The following GBE1 variants were observed in gnomAD, a reference collection of about 807,000 sequenced individuals.
GBE1 encodes 1,4-alpha-glucan-branching enzyme.
A neutral mutation model predicts 88.8 loss-of-function variants in GBE1; 70 were observed. The observed-to-expected ratio is 0.79, with a 90% CI of 0.65 to 0.96. The LOEUF (loss-of-function observed/expected upper bound fraction) is 0.96. Ranked by LOEUF, GBE1 falls within the 40% of genes least tolerant of loss-of-function variation. The pLI is 0.00. For synonymous variants in GBE1, 284 were observed against 300.1 expected (o/e 0.95, Z 0.56); for missense variants, 872 against 871.0 (o/e 1.00, Z -0.01).
Position 81,604,845 on chromosome 3 carries a change from C to A in GBE1, c.993-10822G>T, listed in dbSNP as rs139498905. 6.8e-4 allele frequency among the ~76,000 whole-genome samples: 103 copies of A among 152,180 alleles called. No individual in the cohort carries two copies. The East Asian group carries it at 0.017, about 25-fold the overall frequency. On this transcript the variant is annotated intron_variant, in intron 7 of 15. Coordinates refer to ENST00000429644, the MANE Select transcript of GBE1 (RefSeq NM_000158.4). Reference sequence around the variant, plus strand: ...TCCTCTTCTTTTCTTCCTTTCCCCCCACAGCTTACAATTTCTCTTTAGAGA... The same window carrying A: ...TCCTCTTCTTTTCTTCCTTTCCCCCAACAGCTTACAATTTCTCTTTAGAGA...
chr3:81,756,522 C>G (rs1706604032), intron 1 of GBE1, among the ~76,000 whole-genome samples: 1 of 152,100 alleles, frequency 6.6e-6, no homozygotes, highest in Admixed American at 6.5e-5. Flanking sequence ...AGACATAGTA[C>G]CCACTTATGA....
chr3:81,662,702 AT>A (rs1315792567), intron 3 of GBE1, among the ~76,000 whole-genome samples: 1 of 151,984 alleles, frequency 6.6e-6, no homozygotes, highest in Non-Finnish European at 1.5e-5. Flanking sequence ...AAAGTTACCA[AT>A]GTTACTTTAA....
chr3:81,700,917 T>C (rs371671201), intron 2 of GBE1, among the ~76,000 whole-genome samples: 1 of 152,174 alleles, frequency 6.6e-6, no homozygotes, highest in African/African-American at 2.4e-5. Context: ...CTTTCCGTTA[T>C]AGCAAATAAG....
Position 81,556,459 on chromosome 3 carries a change from T to C in GBE1, c.1619-19364A>G, listed in dbSNP as rs191851068. On this transcript the variant is annotated intron_variant, in intron 12 of 15. Coordinates refer to ENST00000429644, the MANE Select transcript of GBE1 (RefSeq NM_000158.4). ...AAAGGAAACTTTATTTCTTGAAACTTTACAAAGAATCATTAAATGTGTCAG... is the reference window on the plus strand; with the variant it reads ...AAAGGAAACTTTATTTCTTGAAACTCTACAAAGAATCATTAAATGTGTCAG... Among the ~76,000 whole-genome samples, 453 of 152,126 alleles carry C rather than the reference T, an allele frequency of 3.0e-3. 1 individual carries two copies. The highest frequency in any genetic ancestry group is 5.6e-3 in the South Asian group (27 of 4,818).
intron 13 of GBE1, 77 bp from the exon 14 acceptor site, chr3:81,535,402 T>A: frequency 7.1e-7 from 1 of 1,412,614 alleles, no homozygotes; most frequent in East Asian, 2.4e-5. Flanking sequence ...TTGTCTTTCT[T>A]AATAGTCTGG....
chr3:81,531,449 C>A (rs1405318930), intron 14 of GBE1, among the ~76,000 whole-genome samples: 1 of 151,936 alleles, frequency 6.6e-6, no homozygotes, highest in Non-Finnish European at 1.5e-5. Context: ...CTGAAGCCAA[C>A]ATGGTTCTGG....
chr3:81,670,839 T>A lies in GBE1; in HGVS notation c.428A>T (p.Lys143Met). ...AAAAAATAGGAGGGAGGAAAGTACCTTTAATTTGGATCCATGAGGCACGAG... is the reference window on the plus strand; with the variant it reads ...AAAAAATAGGAGGGAGGAAAGTACCATTAATTTGGATCCATGAGGCACGAG... Reference protein sequence around the residue: ...SVLVPHGSKLKVVITSKSGEI... With the variant: ...SVLVPHGSKLMVVITSKSGEI... Residue 143 changes from lysine (K) to methionine (M), a missense_variant and splice_region_variant, in exon 3 of 16, where the codon AAG becomes ATG. By Grantham distance (95) the Lys-to-Met change is moderately conservative. Coordinates refer to ENST00000429644, the MANE Select transcript of GBE1 (RefSeq NM_000158.4). 6.6e-7 allele frequency: 1 copy of A among 1,505,742 alleles called. No individual in the cohort carries two copies. Among genetic ancestry groups the A allele is most frequent in the South Asian group, 1.3e-5 (1 of 75,328 alleles). 93.3% of individuals were successfully genotyped at this position (1,505,742 alleles called of 1,614,324 possible).
intron 7 of GBE1, among the ~76,000 whole-genome samples, chr3:81,610,656 C>T (rs1387235072): frequency 6.6e-6 from 1 of 152,258 alleles, no homozygotes; most frequent in East Asian, 1.9e-4. Context: ...TACCATAGCT[C>T]TCTGAAGCGC....
chr3:81,722,898 A>G lies in GBE1; in HGVS notation c.144-17285T>C, dbSNP rs867296579. Reference sequence around the variant, plus strand: ...CACACACGTGTGTGTGTGTGTGTGTATATATATATATATATATACACACAA... The same window carrying G: ...CACACACGTGTGTGTGTGTGTGTGTGTATATATATATATATATACACACAA... On this transcript the variant is annotated intron_variant, in intron 1 of 15. Coordinates refer to ENST00000429644, the MANE Select transcript of GBE1 (RefSeq NM_000158.4). Among the ~76,000 whole-genome samples the G allele has an allele frequency of 5.6e-3, 750 of 134,230 alleles. 2 individuals carry two copies. The highest frequency in any genetic ancestry group is 7.5e-3 in the Non-Finnish European group (463 of 62,118). 88.1% of individuals were successfully genotyped at this position (134,230 alleles called of 152,430 possible). A position where few individuals can be genotyped will look rare whatever the true frequency, so the allele number is the denominator to read the frequency against.
intron 14 of GBE1, among the ~76,000 whole-genome samples, chr3:81,530,901 T>G (rs1364477289): frequency 6.6e-6 from 1 of 151,848 alleles, no homozygotes; most frequent in Non-Finnish European, 1.5e-5. Context: ...GGTCCTTCCC[T>G]TTAGGGCAGT....
intron 7 of GBE1, among the ~76,000 whole-genome samples, chr3:81,594,239 C>T (rs1340082975): frequency 6.6e-6 from 1 of 151,998 alleles, no homozygotes; most frequent in African/African-American, 2.4e-5. Context: ...TTATAGTCCA[C>T]AAAGTCACTT....
At chr3:81,594,144 AAACAT>A (rs1313687357) in intron 7 of GBE1, 121 bp from the exon 8 acceptor site, 3 of 509,214 alleles carry the variant, frequency 5.9e-6, no homozygotes, top group South Asian at 3.5e-5. Flanking sequence ...AATGTTCAAG[AAACAT>A]AACATATATA....
At chr3:81,658,586 C>T (rs1576188699) in intron 3 of GBE1, among the ~76,000 whole-genome samples, 1 of 152,228 alleles carries the variant, frequency 6.6e-6, no homozygotes, top group East Asian at 1.9e-4. Flanking sequence ...GGAGTATTAT[C>T]CCCCAAGGTT....
intron 9 of GBE1, 52 bp downstream of exon 9, chr3:81,590,985 A>G: frequency 6.7e-7 from 1 of 1,500,532 alleles, no homozygotes; most frequent in Non-Finnish European, 9.0e-7. Flanking sequence ...TATGCTGACA[A>G]AATACTCTCT....
At chr3:81,618,918 G>A (rs1338820305) in intron 7 of GBE1, among the ~76,000 whole-genome samples, 1 of 151,900 alleles carries the variant, frequency 6.6e-6, no homozygotes, top group Non-Finnish European at 1.5e-5. Context: ...TACACACCCA[G>A]AAAAGAAACA....
intron 6 of GBE1, 93 bp from the exon 7 acceptor site, chr3:81,643,083 A>T (rs1157301031): frequency 1.3e-6 from 1 of 799,602 alleles, no homozygotes; most frequent in African/African-American, 1.7e-5. Flanking sequence ...GCAGTACTAG[A>T]TACTTTAAAT....
At chr3:81,564,505 G>T (rs1703465610) in intron 12 of GBE1, among the ~76,000 whole-genome samples, 1 of 151,910 alleles carries the variant, frequency 6.6e-6, no homozygotes, top group Admixed American at 6.6e-5. Context: ...AGGTTCAGTT[G>T]CTTCTTTTTT....
chr3:81,575,127 GGC>G lies in GBE1; in HGVS notation c.1618+2796_1618+2797del, dbSNP rs577416226. ...TTGCAGTGAGCAGAGATTGCATCACGGCACTCCAGCCTGGGCGACAGGGCGAG... is the reference window on the plus strand; with the variant it reads ...TTGCAGTGAGCAGAGATTGCATCACGACTCCAGCCTGGGCGACAGGGCGAG... On this transcript the variant is annotated intron_variant, in intron 12 of 15. Coordinates refer to ENST00000429644, the MANE Select transcript of GBE1 (RefSeq NM_000158.4). Among the ~76,000 whole-genome samples the G allele has an allele frequency of 4.5e-3, 679 of 150,748 alleles. 4 individuals carry two copies. The highest frequency in any genetic ancestry group is 8.1e-3 in the Non-Finnish European group (548 of 67,676).
At chr3:81,594,710 A>G (rs1703932339) in intron 7 of GBE1, among the ~76,000 whole-genome samples, 1 of 152,076 alleles carries the variant, frequency 6.6e-6, no homozygotes. Context: ...TGAGTTTAAG[A>G]GTCCTACATC....
Sources: gnomAD v4.1 joint callset for allele counts (sites outside exome capture counted in the v4.1 genomes callset) on GRCh38, gnomAD v4.1.1 for gene constraint, MANE v1.5 for transcripts, NCBI Gene and HGNC (gene_info 2026-07-23, HGNC 2026-07-21) for gene names.